The following SEMA6A variants were observed in gnomAD, a reference collection of about 807,000 sequenced individuals.
SEMA6A encodes the protein semaphorin 6A, also known as semaphorin-6A.
SEMA6A carries 25 observed loss-of-function variants against 96.8 expected under a neutral mutation model. The ratio of observed to expected loss-of-function variants is 0.26; its 90% CI spans 0.19 to 0.36. The LOEUF is 0.36. Among genes scored for constraint, SEMA6A ranks in the 10% least tolerant of loss-of-function variants. The probability of loss-of-function intolerance (pLI) is 1.00; values close to 1 mark genes in which losing one functional copy is unlikely to be tolerated. For synonymous variants in SEMA6A, 612 were observed against 518.0 expected (o/e 1.18, Z -2.46); for missense variants, 1,363 against 1,323.1 (o/e 1.03, Z -0.47).
intron 1 of SEMA6A, among the ~76,000 whole-genome samples, chr5:116,545,613 C>G (rs1311741782): frequency 6.6e-6 from 1 of 152,132 alleles, no homozygotes; most frequent in African/African-American, 2.4e-5. Context: ...TGTGCTCTGG[C>G]CGTGTTCCAT....
At chr5:116,569,575 A>AT (rs1761128961) in intron 1 of SEMA6A, among the ~76,000 whole-genome samples, 2 of 152,204 alleles carry the variant, frequency 1.3e-5, no homozygotes, top group African/African-American at 4.8e-5. Context: ...AGAGGCAGGA[A>AT]TGCTAGTGGG....
At chr5:116,554,117 A>C (rs1190333600) in intron 1 of SEMA6A, among the ~76,000 whole-genome samples, 1 of 152,216 alleles carries the variant, frequency 6.6e-6, no homozygotes, top group Non-Finnish European at 1.5e-5. Flanking sequence ...ACATCAGTAA[A>C]AGTGTTTTAA....
At chr5:116,471,712 G>C (rs1756159244) in intron 17 of SEMA6A, 1 of 152,168 alleles carries the variant, frequency 6.6e-6, no homozygotes, top group South Asian at 2.1e-4. Context: ...GAGAAACCAA[G>C]CACTGTTTTC....
intron 1 of SEMA6A, among the ~76,000 whole-genome samples, chr5:116,530,872 G>T (rs1381776555): frequency 1.3e-5 from 2 of 152,146 alleles, no homozygotes; most frequent in Non-Finnish European, 2.9e-5. Flanking sequence ...ATATTTTATT[G>T]TGTGTTTACT....
intron 11 of SEMA6A, among the ~76,000 whole-genome samples, chr5:116,481,742 G>C (rs1009255302): frequency 2.6e-5 from 4 of 152,104 alleles, no homozygotes; most frequent in African/African-American, 9.7e-5. Flanking sequence ...GCTTAGCGGG[G>C]ACTTCCCTCC....
chr5:116,565,880 A>T (rs1409379454), intron 1 of SEMA6A, among the ~76,000 whole-genome samples: 5 of 152,076 alleles, frequency 3.3e-5, no homozygotes, highest in African/African-American at 4.8e-5. Context: ...CTCAATCAGT[A>T]TTCTCTCAGT....
At chr5:116,475,822 C>T (rs904515902) in intron 15 of SEMA6A, among the ~76,000 whole-genome samples, 22 of 152,116 alleles carry the variant, frequency 1.4e-4, no homozygotes, top group African/African-American at 4.1e-4. Context: ...GCAGTGAATT[C>T]AGATATTATT....
At chr5:116,456,185 A>C (rs1199987742) in intron 18 of SEMA6A, among the ~76,000 whole-genome samples, 1 of 152,170 alleles carries the variant, frequency 6.6e-6, no homozygotes, top group Non-Finnish European at 1.5e-5. Context: ...AACGTGGAAA[A>C]TGTCTGAATC....
At chr5:116,447,946 C>T in intron 18 of SEMA6A, 135 bp from the exon 19 acceptor site, 1 of 742,748 alleles carries the variant, frequency 1.3e-6, no homozygotes. Flanking sequence ...CTTCCAAGCT[C>T]AGCTTGCCAA....
At position 116,478,625 on chromosome 5, in the gene SEMA6A, C is replaced by T; in HGVS notation, c.1344G>A (p.Leu448=). The T allele has an allele frequency of 6.2e-7, 1 of 1,613,650 alleles. No individual in the cohort carries two copies. The highest frequency in any genetic ancestry group is 8.5e-7 in the Non-Finnish European group (1 of 1,179,778). The change falls in exon 13 of 19, where the codon TTG becomes TTA. Residue 448 remains leucine (L), a synonymous_variant. Coordinates refer to ENST00000343348, the MANE Select transcript of SEMA6A (RefSeq NM_020796.5). ...TATTTCCTATTCTGGCCAAAAACTT[C>T]AAGATGATTCCCTTCTCTGATCCCA... ...VFLGSEKGII[L]KFLARIGNSG...
rs1759190355 is a variant in SEMA6A at position 116,525,674 on chromosome 5, C to T, written c.-38-20692G>A. Among the ~76,000 whole-genome samples the T allele has an allele frequency of 2.0e-5, 3 of 152,210 alleles. 1 individual carries two copies. Among genetic ancestry groups the T allele is most frequent in the African/African-American group, 2.4e-5 (1 of 41,534 alleles). Reference sequence around the variant, plus strand: ...GTGTTTAACCAAAATTTTGTGGAAACTTAAATTATTCCTTTGGGAAAAAGA... The same window carrying T: ...GTGTTTAACCAAAATTTTGTGGAAATTTAAATTATTCCTTTGGGAAAAAGA... On this transcript the variant is annotated intron_variant, in intron 1 of 18. Transcript: ENST00000343348.
At chr5:116,508,816 G>A (rs1758266062) in intron 1 of SEMA6A, among the ~76,000 whole-genome samples, 1 of 152,108 alleles carries the variant, frequency 6.6e-6, no homozygotes, top group Non-Finnish European at 1.5e-5. Flanking sequence ...TCTCTTAGGA[G>A]GCCTTCCTTA....
intron 1 of SEMA6A, among the ~76,000 whole-genome samples, chr5:116,560,689 CTATT>C (rs1489911030): frequency 6.6e-6 from 1 of 152,056 alleles, no homozygotes; most frequent in Non-Finnish European, 1.5e-5. Context: ...CCTTATGTAA[CTATT>C]TATTTTTATC....
chr5:116,510,766 C>G (rs1250279143), intron 1 of SEMA6A, among the ~76,000 whole-genome samples: 2 of 152,036 alleles, frequency 1.3e-5, no homozygotes, highest in African/African-American at 4.8e-5. Flanking sequence ...GAGGTGGTCA[C>G]TTGGAGAGGC....
chr5:116,571,329 A>G (rs939132876), intron 1 of SEMA6A, among the ~76,000 whole-genome samples: 2 of 152,224 alleles, frequency 1.3e-5, no homozygotes, highest in African/African-American at 2.4e-5. Flanking sequence ...TAACATTTAC[A>G]TATGTGGATT....
At chr5:116,466,158 G>T (rs1755734216) in intron 18 of SEMA6A, among the ~76,000 whole-genome samples, 1 of 151,242 alleles carries the variant, frequency 6.6e-6, no homozygotes, top group South Asian at 2.1e-4. Flanking sequence ...ATCACCTGAG[G>T]TCAGGAGTTC....
chr5:116,478,396 T>C, intron 13 of SEMA6A, 146 bp downstream of exon 13: 1 of 917,440 alleles, frequency 1.1e-6, no homozygotes, highest in Non-Finnish European at 1.6e-6. Context: ...AAAATAATGC[T>C]TTTTAGGTGT....
chr5:116,463,061 CA>C (rs1341857208), intron 18 of SEMA6A, among the ~76,000 whole-genome samples: 1 of 152,132 alleles, frequency 6.6e-6, no homozygotes, highest in East Asian at 1.9e-4. Context: ...TAAAGCAAAA[CA>C]ATGTTAATTC....
intron 18 of SEMA6A, chr5:116,449,400 T>A (rs903961068): frequency 2.8e-6 from 2 of 701,764 alleles, no homozygotes; most frequent in African/African-American, 1.7e-5. Context: ...CTGGCAGGTA[T>A]CAGTGGCACA....
Sources: allele counts gnomAD v4.1 joint callset (sites outside exome capture counted in the v4.1 genomes callset), GRCh38; gene constraint gnomAD v4.1.1; transcripts MANE v1.5; gene names NCBI Gene and HGNC (gene_info 2026-07-23, HGNC 2026-07-21).